Variants in TNKS observed in about 807,000 individuals in gnomAD.
TNKS encodes the protein tankyrase, also known as poly [ADP-ribose] polymerase tankyrase-1.
In TNKS, 72 loss-of-function variants were observed where a neutral mutation model predicts 135.8. The observed-to-expected ratio is 0.53, with a 90% CI of 0.44 to 0.64. The LOEUF (loss-of-function observed/expected upper bound fraction) is 0.64. TNKS is among the 30% of genes least tolerant of loss of function. The pLI, the probability that TNKS is intolerant of heterozygous loss-of-function variation, is 0.00. For synonymous variants in TNKS, 849 were observed against 649.3 expected (o/e 1.31, Z -4.68); for missense variants, 1,769 against 1,674.0 (o/e 1.06, Z -0.99).
Position 9,615,625 on chromosome 8 carries a change from TG to T in TNKS, c.945del (p.Lys316AsnfsTer25), listed in dbSNP as rs1799616488. ...CTGACCCAAACATTCGGAACACTGA[TG>T]GGAAATCAGCCCTGGACCTGGCAGA... ...GADPNIRNTD[G>X]KSALDLADPS... On this transcript the variant is annotated frameshift_variant, in exon 3 of 27. Transcript: ENST00000310430. LOFTEE classifies it high-confidence loss of function. The T allele has an allele frequency of 6.2e-7, 1 of 1,613,746 alleles. No individual in the cohort carries two copies. The highest frequency in any genetic ancestry group is 8.5e-7 in the Non-Finnish European group (1 of 1,179,852).
At chr8:9,697,628 A>G (rs1187889842) in intron 5 of TNKS, among the ~76,000 whole-genome samples, 2 of 152,222 alleles carry the variant, frequency 1.3e-5, no homozygotes, top group Non-Finnish European at 2.9e-5. Flanking sequence ...TAGGCAAAGG[A>G]CATGAACAGA....
Position 9,564,774 on chromosome 8 carries a change from A to G in TNKS, c.673+8162A>G, listed in dbSNP as rs920508834. On this transcript the variant is annotated intron_variant, in intron 1 of 26. Transcript: ENST00000310430. ...GCATCATTAATAGATACTTATAGTA[A>G]GAATTGAATAGGATTAGTTAAGATA... 2.0e-5 allele frequency among the ~76,000 whole-genome samples: 3 copies of G among 152,236 alleles called. No individual in the cohort carries two copies. In the East Asian group the frequency reaches 5.8e-4, roughly 29 times the overall value.
chr8:9,561,391 AG>A (rs1797325867), intron 1 of TNKS, among the ~76,000 whole-genome samples: 2 of 152,170 alleles, frequency 1.3e-5, no homozygotes, highest in Admixed American at 1.3e-4. Context: ...CTTTTCCCTC[AG>A]GCAACCACCA....
At chr8:9,662,942 G>A (rs143205637) in intron 3 of TNKS, among the ~76,000 whole-genome samples, 1 of 152,172 alleles carries the variant, frequency 6.6e-6, no homozygotes, top group Non-Finnish European at 1.5e-5. Context: ...TAAAAAGACT[G>A]CGGATGTGAT....
At chr8:9,773,161 A>G (rs1364791944) in intron 26 of TNKS, among the ~76,000 whole-genome samples, 2 of 152,036 alleles carry the variant, frequency 1.3e-5, no homozygotes, top group African/African-American at 2.4e-5. Context: ...TCTTCTAGAA[A>G]TTTGTATTGG....
chr8:9,763,056 A>G (rs1200766650), intron 21 of TNKS, 91 bp from the exon 22 acceptor site: 7 of 561,118 alleles, frequency 1.2e-5, no homozygotes, highest in Non-Finnish European at 1.9e-5. Context: ...TCAATTACTT[A>G]TTATGAATTT....
chr8:9,690,922 G>T (rs1245448571), intron 5 of TNKS, among the ~76,000 whole-genome samples: 1 of 152,036 alleles, frequency 6.6e-6, no homozygotes, highest in Non-Finnish European at 1.5e-5. Context: ...ACTTGGATGG[G>T]GACTTAATGG....
intron 3 of TNKS, among the ~76,000 whole-genome samples, chr8:9,676,684 C>CTGTG (rs762391942): frequency 0.066 from 3,884 of 59,100 alleles, 69 homozygotes; most frequent in Non-Finnish European, 0.096. Flanking sequence ...CTCTCTCTCT[C>CTGTG]TCTGTGTGTG....
chr8:9,775,459 CTA>C (rs59789406), intron 26 of TNKS, among the ~76,000 whole-genome samples: 997 of 80,344 alleles, frequency 0.012, 3 homozygotes, highest in East Asian at 0.022. Flanking sequence ...ATGAATGGTT[CTA>C]TATATATATA....
intron 1 of TNKS, chr8:9,556,839 C>G: frequency 1.7e-6 from 1 of 595,848 alleles, no homozygotes. Flanking sequence ...TTGCACAGTA[C>G]TCATTACAAA....
At chr8:9,775,255 T>G (rs753144559) in intron 26 of TNKS, among the ~76,000 whole-genome samples, 16 of 151,904 alleles carry the variant, frequency 1.1e-4, no homozygotes, top group Non-Finnish European at 2.2e-4. Flanking sequence ...AAGATAAAAC[T>G]ACAGATAGTT....
chr8:9,664,279 G>A (rs952587429), intron 3 of TNKS, among the ~76,000 whole-genome samples: 1 of 152,170 alleles, frequency 6.6e-6, no homozygotes, highest in Non-Finnish European at 1.5e-5. Context: ...GACATGGCAA[G>A]GGAGGAAGCA....
At chr8:9,636,506 A>C (rs976710623) in intron 3 of TNKS, among the ~76,000 whole-genome samples, 2 of 152,080 alleles carry the variant, frequency 1.3e-5, no homozygotes, top group Admixed American at 6.6e-5. Context: ...TATTGTTTCA[A>C]AATTAAATGT....
At chr8:9,644,364 G>A (rs1181693211) in intron 3 of TNKS, among the ~76,000 whole-genome samples, 1 of 151,998 alleles carries the variant, frequency 6.6e-6, no homozygotes, top group Non-Finnish European at 1.5e-5. Flanking sequence ...TGGGTAAAGT[G>A]GCAATTGGCT....
At chr8:9,580,795 A>G (rs1257642818) in intron 2 of TNKS, among the ~76,000 whole-genome samples, 3 of 152,160 alleles carry the variant, frequency 2.0e-5, no homozygotes, top group Non-Finnish European at 4.4e-5. Flanking sequence ...CCCCCCGCTT[A>G]TATGGGGTTT....
In TNKS at chr8:9,631,474, G is replaced by A. The variant is rs578041520; in HGVS notation, c.994+15797G>A. 1.4e-4 allele frequency among the ~76,000 whole-genome samples: 22 copies of A among 152,282 alleles called. No individual in the cohort carries two copies. The South Asian group carries it at 4.6e-3, about 32-fold the overall frequency. On this transcript the variant is annotated intron_variant, in intron 3 of 26. Transcript: ENST00000310430. ...TATTCTATAAAATAAGTTATCTAGT[G>A]TAGTAGAAGAAAATTTACTAAAAAC...
intron 22 of TNKS, among the ~76,000 whole-genome samples, chr8:9,764,132 T>A (rs1021876282): frequency 1.3e-5 from 2 of 152,126 alleles, no homozygotes; most frequent in Non-Finnish European, 2.9e-5. Context: ...TCATTTTTTT[T>A]ATTGAGTTAA....
chr8:9,760,499 T>A (rs1017920317), intron 20 of TNKS, among the ~76,000 whole-genome samples: 1 of 152,200 alleles, frequency 6.6e-6, no homozygotes, highest in African/African-American at 2.4e-5. Context: ...AAAAAAGCGA[T>A]CTTGTTTGAG....
At position 9,765,708 on chromosome 8, in the gene TNKS, A is replaced by G. The variant is rs778506263; in HGVS notation, c.3464A>G (p.Asn1155Ser). The change falls in exon 24 of 27, where the codon AAC becomes AGC. Residue 1155 changes from asparagine (N) to serine (S), a missense_variant. Around this residue, in one of 5 missense-constraint regions of TNKS, gnomAD observed 722 missense variants for 688.9 expected, o/e 1.05. Transcript: ENST00000310430. ...TCCTTAAAGATTCAAAAAGTTGTCA[A>G]CAAGAAGTTGAGGGAGCGGTTCTGC... ...YNVIRIQKVV[N>S]KKLRERFCHR... The G allele has an allele frequency of 6.2e-7, 1 of 1,613,892 alleles. No individual in the cohort carries two copies. Among genetic ancestry groups the G allele is most frequent in the East Asian group, 2.2e-5 (1 of 44,880 alleles).
Sources: gnomAD v4.1 joint callset for allele counts (sites outside exome capture counted in the v4.1 genomes callset) on GRCh38, gnomAD v4.1.1 for gene constraint, gnomAD v4.1.1 regional missense constraint, MANE v1.5 for transcripts, NCBI Gene and HGNC (gene_info 2026-07-23, HGNC 2026-07-21) for gene names.